SEPTIN6: variants seen among roughly 807,000 people sequenced by gnomAD.
SEPTIN6 encodes septin 6, also known as septin-6.
A neutral mutation model predicts 33.6 loss-of-function variants in SEPTIN6; 8 were observed. That is an observed-to-expected ratio of 0.24 (90% CI 0.14 to 0.43). The LOEUF (loss-of-function observed/expected upper bound fraction) is 0.43. Among genes scored for constraint, SEPTIN6 ranks in the 20% least tolerant of loss-of-function variants. SEPTIN6 has a pLI of 1.00. For synonymous variants in SEPTIN6, 131 were observed against 140.0 expected (o/e 0.94, Z 0.45); for missense variants, 250 against 340.8 (o/e 0.73, Z 2.10).
chrX:119,632,256 C>G (rs1225527749), intron 8 of SEPTIN6, among the ~76,000 whole-genome samples: 1 of 108,287 alleles, frequency 9.2e-6, no homozygotes, highest in Non-Finnish European at 1.9e-5. Flanking sequence ...AGTACAGTGG[C>G]GCGATCTCGG....
intron 9 of SEPTIN6, among the ~76,000 whole-genome samples, chrX:119,628,433 C>T (rs765412299): frequency 9.0e-6 from 1 of 110,938 alleles, no homozygotes; most frequent in African/African-American, 3.3e-5. Flanking sequence ...CGCGCGCCAC[C>T]GCGCCTGGCT....
chrX:119,679,339 G>A (rs890994429), intron 1 of SEPTIN6, among the ~76,000 whole-genome samples: 3 of 111,648 alleles, frequency 2.7e-5, no homozygotes, highest in African/African-American at 9.8e-5. Flanking sequence ...GAGCAGGGAG[G>A]GCCATGATAC....
intron 7 of SEPTIN6, among the ~76,000 whole-genome samples, chrX:119,636,538 A>G (rs1028299529): frequency 4.5e-5 from 5 of 111,974 alleles, no homozygotes; most frequent in African/African-American, 1.6e-4. Flanking sequence ...ATGCATGGCA[A>G]GGGCATGCTA....
chrX:119,636,694 TC>T (rs1485969302), intron 7 of SEPTIN6, among the ~76,000 whole-genome samples: 1 of 110,692 alleles, frequency 9.0e-6, no homozygotes, highest in Non-Finnish European at 1.9e-5. Flanking sequence ...GCTTGGGGAT[TC>T]CCCCCAGCGC....
chrX:119,649,487 T>A (rs1417167742), intron 5 of SEPTIN6, among the ~76,000 whole-genome samples: 4 of 81,093 alleles, frequency 4.9e-5, no homozygotes, highest in African/African-American at 4.8e-5. Flanking sequence ...GATCCTGTCT[T>A]AAAAAAAAAA....
chrX:119,656,066 A>G (rs2054437632), intron 3 of SEPTIN6, among the ~76,000 whole-genome samples: 1 of 112,303 alleles, frequency 8.9e-6, no homozygotes, highest in Non-Finnish European at 1.9e-5. Flanking sequence ...AGAGAAGCAC[A>G]TGGATTGCTA....
intron 3 of SEPTIN6, among the ~76,000 whole-genome samples, chrX:119,657,918 A>G (rs765242133): frequency 1.3e-4 from 14 of 111,711 alleles, no homozygotes; most frequent in Admixed American, 3.8e-4. Context: ...GAGGTCAGGA[A>G]ATCAAGACCA....
intron 1 of SEPTIN6, among the ~76,000 whole-genome samples, chrX:119,678,054 CA>C (rs1378722415): frequency 9.1e-6 from 1 of 109,707 alleles, no homozygotes; most frequent in African/African-American, 3.4e-5. Flanking sequence ...GCAACAATGG[CA>C]AAACCCCATC....
chrX:119,631,370 C>T lies in SEPTIN6; in HGVS notation c.1090-1862G>A, dbSNP rs7050583. On this transcript the variant is annotated intron_variant, in intron 8 of 10. Coordinates refer to ENST00000394610, the MANE Select transcript of SEPTIN6 (RefSeq NM_145799.4). ...TAATTTTTTGTATTTTTAGTAGAGA[C>T]GGGGTTTCACTGAGTTAGCCAGGAT... 5.3e-3 allele frequency among the ~76,000 whole-genome samples: 543 copies of T among 103,183 alleles called. 6 individuals carry two copies. Among genetic ancestry groups the T allele is most frequent in the African/African-American group, 0.018 (514 of 27,957 alleles). The allele number at this position is 103,183 out of a possible 115,157, so 89.6% of individuals were successfully genotyped here.
chrX:119,656,295 T>C (rs957811557), intron 3 of SEPTIN6, among the ~76,000 whole-genome samples: 2 of 112,077 alleles, frequency 1.8e-5, no homozygotes, highest in Non-Finnish European at 3.8e-5. Flanking sequence ...GGGATATACA[T>C]GTGATTGAGG....
intron 2 of SEPTIN6, among the ~76,000 whole-genome samples, chrX:119,674,196 CAG>C (rs762729636): frequency 7.5e-5 from 8 of 106,627 alleles, no homozygotes; most frequent in Non-Finnish European, 1.4e-4. Context: ...TTTTTTGAGA[CAG>C]AGTCTTACTC....
intron 1 of SEPTIN6, among the ~76,000 whole-genome samples, chrX:119,692,491 G>A (rs2055191717): frequency 1.8e-5 from 2 of 110,926 alleles, no homozygotes; most frequent in African/African-American, 6.6e-5. Context: ...GGGAAGACAC[G>A]AGCGCGCGCG....
chrX:119,649,807 G>A, intron 5 of SEPTIN6, 130 bp downstream of exon 5: 1 of 662,599 alleles, frequency 1.5e-6, no homozygotes, highest in East Asian at 3.3e-5. Context: ...GGAGTTCAAG[G>A]CTGCAGTGAG....
chrX:119,658,543 G>C (rs1205018994), intron 3 of SEPTIN6, among the ~76,000 whole-genome samples: 2 of 111,792 alleles, frequency 1.8e-5, no homozygotes, highest in Non-Finnish European at 3.8e-5. Context: ...TGTTTCTCTA[G>C]GCTGTATACT....
At chrX:119,670,577 AAAG>A (rs34391728) in intron 2 of SEPTIN6, among the ~76,000 whole-genome samples, 15,199 of 89,893 alleles carry the variant, frequency 0.17, 1,201 homozygotes, top group East Asian at 0.33. Context: ...AAAAAAAAAA[AAAG>A]AAGAAGAAGA....
At chrX:119,691,980 C>G (rs1473666439) in intron 1 of SEPTIN6, among the ~76,000 whole-genome samples, 1 of 111,374 alleles carries the variant, frequency 9.0e-6, no homozygotes, top group Non-Finnish European at 1.9e-5. Context: ...GGTGTCCCCC[C>G]CAAATGGAAT....
At position 119,619,981 on chromosome X, in the gene SEPTIN6, T is replaced by A; in HGVS notation, c.*112A>T. 8.3e-7 allele frequency: 1 copy of A among 1,202,546 alleles called. No individual in the cohort carries two copies. On this transcript the variant is annotated 3_prime_UTR_variant, in exon 11 of 11. Coordinates refer to ENST00000394610, the MANE Select transcript of SEPTIN6 (RefSeq NM_145799.4). ...TGGATTGTATGCCCCCCAGGCATGT[T>A]AAGGGGGAAATTAGAGAAAGGGAGG... is the stretch of plus-strand genomic sequence containing the variant.
chrX:119,637,581 CCATCCATCCACT>C (rs2054084830), intron 6 of SEPTIN6, among the ~76,000 whole-genome samples: 1 of 109,700 alleles, frequency 9.1e-6, no homozygotes, highest in East Asian at 2.9e-4. Context: ...ATCCATCCAT[CCATCCATCCACT>C]CATCCATCCA....
At position 119,618,587 on chromosome X, in the gene SEPTIN6, G is replaced by C. The variant is rs1423379483; in HGVS notation, c.*1506C>G. ...GGTGGTCATGGTCAGTGCCAGTGGG[G>C]CTGGGAGGCAGGAGCAAGTTGCGGA... On this transcript the variant is annotated 3_prime_UTR_variant, in exon 11 of 11. Transcript: ENST00000394610. The C allele has an allele frequency of 6.8e-6, 7 of 1,028,937 alleles. No homozygotes were observed. In the Admixed American group the frequency reaches 3.1e-4, roughly 45 times the overall value. The allele number at this position is 1,028,937 out of a possible 1,213,427, so 84.8% of individuals were successfully genotyped here.
Sources: allele counts gnomAD v4.1 joint callset (sites outside exome capture counted in the v4.1 genomes callset), GRCh38; gene constraint gnomAD v4.1.1; transcripts MANE v1.5; gene names NCBI Gene and HGNC (gene_info 2026-07-23, HGNC 2026-07-21).